The following PRKAR1A variants were observed in gnomAD, a reference collection of about 807,000 sequenced individuals.
PRKAR1A encodes cAMP-dependent protein kinase type I-alpha regulatory subunit.
Under a neutral mutation model 52.0 loss-of-function variants are expected in PRKAR1A, and 3 were observed. The observed-to-expected ratio is 0.06, with a 90% confidence interval of 0.03 to 0.15. The LOEUF (loss-of-function observed/expected upper bound fraction) is 0.15, where lower values mean the gene tolerates loss of function less well. Ranked by LOEUF, PRKAR1A falls within the 10% of genes least tolerant of loss-of-function variation. The probability of loss-of-function intolerance (pLI) is 1.00; values close to 1 mark genes in which losing one functional copy is unlikely to be tolerated. For synonymous variants in PRKAR1A, 188 were observed against 168.4 expected (o/e 1.12, Z -0.90); for missense variants, 240 against 477.4 (o/e 0.50, Z 4.63).
the PRKAR1A span, among the ~76,000 whole-genome samples, chr17:68,442,718 G>A: frequency 6.6e-6 from 1 of 152,072 alleles, no homozygotes; most frequent in Non-Finnish European, 1.5e-5. Flanking sequence ...CAGATTCAGG[G>A]GCCTCTCATT....
chr17:68,479,232 T>G, the PRKAR1A span, among the ~76,000 whole-genome samples: 1 of 152,246 alleles, frequency 6.6e-6, no homozygotes, highest in East Asian at 1.9e-4. Flanking sequence ...TATTTTCTTT[T>G]GTTTTTATTT....
intron 11 of PRKAR1A, among the ~76,000 whole-genome samples, chr17:68,543,457 G>C (rs1017782455): frequency 6.6e-6 from 1 of 152,122 alleles, no homozygotes; most frequent in Non-Finnish European, 1.5e-5. Context: ...TTTCAATCTG[G>C]GGGGTTGCAT....
At chr17:68,478,249 C>A in the PRKAR1A span, among the ~76,000 whole-genome samples, 1 of 151,980 alleles carries the variant, frequency 6.6e-6, no homozygotes, top group African/African-American at 2.4e-5. Flanking sequence ...GTCAGGAGAT[C>A]GAGACTATCC....
At chr17:68,414,160 T>A in the PRKAR1A span, 1 of 152,488 alleles carries the variant, frequency 6.6e-6, no homozygotes, top group African/African-American at 2.4e-5. Flanking sequence ...GGGTTTCTTA[T>A]AGATGGCTTT....
At chr17:68,449,531 A>C in the PRKAR1A span, among the ~76,000 whole-genome samples, 2 of 152,222 alleles carry the variant, frequency 1.3e-5, no homozygotes, top group African/African-American at 4.8e-5. Flanking sequence ...AAGGTGGCAG[A>C]GTTCTTATGA....
chr17:68,512,040 G>C (rs1049871075), upstream of PRKAR1A: 1 of 153,300 alleles, frequency 6.5e-6, no homozygotes, highest in Non-Finnish European at 1.5e-5. Context: ...GGGGTGGACA[G>C]AGGAGCGGAG....
At chr17:68,518,223 G>A (rs2085492369) in intron 2 of PRKAR1A, among the ~76,000 whole-genome samples, 1 of 152,190 alleles carries the variant, frequency 6.6e-6, no homozygotes, top group African/African-American at 2.4e-5. Context: ...GGAGTCTGGA[G>A]GATAGTGGCC....
the PRKAR1A span, among the ~76,000 whole-genome samples, chr17:68,473,190 A>C: frequency 6.6e-6 from 1 of 152,188 alleles, no homozygotes; most frequent in Non-Finnish European, 1.5e-5. Context: ...AGCCTCCACA[A>C]GTTACAGGAG....
Position 68,532,746 on chromosome 17 carries a change from A to G in PRKAR1A, c.*2297A>G. On this transcript the variant is annotated 3_prime_UTR_variant, in exon 11 of 11. Transcript: ENST00000589228. Reference sequence around the variant, plus strand: ...TAATGGTAGGTCAAGTAATAAAAAGAGATGAAATAATTTAAATTCTTAAAT... The same window carrying G: ...TAATGGTAGGTCAAGTAATAAAAAGGGATGAAATAATTTAAATTCTTAAAT... 9.4e-7 allele frequency: 1 copy of G among 1,066,186 alleles called. No individual in the cohort carries two copies. Among genetic ancestry groups the G allele is most frequent in the Non-Finnish European group, 1.1e-6 (1 of 879,496 alleles). 66.0% of individuals were successfully genotyped at this position (1,066,186 alleles called of 1,614,324 possible). A position where few individuals can be genotyped will look rare whatever the true frequency, so the allele number is the denominator to read the frequency against.
At position 68,525,870 on chromosome 17, in the gene PRKAR1A, A is replaced by G. The variant is rs772442217; in HGVS notation, c.666A>G (p.Lys222=). 3.7e-6 allele frequency: 6 copies of G among 1,613,968 alleles called. No individual in the cohort carries two copies. Among genetic ancestry groups the G allele is most frequent in the Non-Finnish European group, 3.4e-6 (4 of 1,179,944 alleles). The change falls in exon 7 of 11, where the codon AAA becomes AAG. Residue 222 remains lysine (K), a synonymous_variant. Transcript: ENST00000589228. ...CTGTCAAAGCAAAGACAAATGTGAA[A>G]TTGTGGGGCATCGACCGAGACAGCT... The part of the protein sequence containing the change: ...AATVKAKTNV[K]LWGIDRDSYR...
chr17:68,473,591 C>A, the PRKAR1A span, among the ~76,000 whole-genome samples: 5 of 152,108 alleles, frequency 3.3e-5, no homozygotes, highest in Admixed American at 6.5e-5. Flanking sequence ...GGCACGATCT[C>A]AGCTCACTGC....
the PRKAR1A span, chr17:68,426,307 T>G: frequency 1.4e-6 from 1 of 721,300 alleles, no homozygotes; most frequent in Non-Finnish European, 2.4e-6. Context: ...CCCCTGGAGG[T>G]ACTGTGCCTA....
At chr17:68,418,234 T>C in the PRKAR1A span, among the ~76,000 whole-genome samples, 1 of 152,216 alleles carries the variant, frequency 6.6e-6, no homozygotes, top group Admixed American at 6.5e-5. Context: ...CACTGGCAGC[T>C]AATCAGTAGT....
chr17:68,447,287 T>C, the PRKAR1A span, among the ~76,000 whole-genome samples: 1 of 152,224 alleles, frequency 6.6e-6, no homozygotes, highest in Non-Finnish European at 1.5e-5. Flanking sequence ...CTTGATTCCA[T>C]AAAATATATT....
At chr17:68,415,335 G>A in the PRKAR1A span, among the ~76,000 whole-genome samples, 2 of 152,132 alleles carry the variant, frequency 1.3e-5, no homozygotes, top group African/African-American at 4.8e-5. Flanking sequence ...GGTTCTGAAG[G>A]TTCCTTTGGA....
the PRKAR1A span, among the ~76,000 whole-genome samples, chr17:68,459,232 A>G: frequency 1.3e-5 from 2 of 152,232 alleles, no homozygotes; most frequent in Non-Finnish European, 2.9e-5. Context: ...TTCAGATCAA[A>G]GGTGCTTCCC....
At chr17:68,504,032 C>G in the PRKAR1A span, among the ~76,000 whole-genome samples, 2 of 152,204 alleles carry the variant, frequency 1.3e-5, no homozygotes, top group Admixed American at 1.3e-4. Flanking sequence ...AGCAATCCCA[C>G]TGCTAGGTAC....
rs2085843193 is a variant in PRKAR1A, at chr17:68,527,952, A to G, written c.769+52A>G. ...CTAGTATGTGAGATACCCCTGAATT[A>G]GAATTGGATGGACTTGGGAAAAGCC... On this transcript the variant is annotated intron_variant, in intron 8 of 10. Coordinates refer to ENST00000589228, the MANE Select transcript of PRKAR1A (RefSeq NM_002734.5). 3 of 1,464,812 alleles carry G rather than the reference A, an allele frequency of 2.0e-6. No individual in the cohort carries two copies. In the African/African-American group the frequency reaches 4.2e-5, roughly 20 times the overall value. 90.7% of individuals were successfully genotyped at this position (1,464,812 alleles called of 1,614,324 possible).
At chr17:68,527,778 T>C (rs1332591588) in intron 7 of PRKAR1A, 62 bp from the exon 8 acceptor site, 2 of 1,300,838 alleles carry the variant, frequency 1.5e-6, no homozygotes, top group African/African-American at 2.9e-5. Context: ...TATTATTCCA[T>C]AGCATTATGT....
Sources: allele counts gnomAD v4.1 joint callset (sites outside exome capture counted in the v4.1 genomes callset), GRCh38; gene constraint gnomAD v4.1.1; transcripts MANE v1.5; gene names NCBI Gene and HGNC (gene_info 2026-07-23, HGNC 2026-07-21).